PHF20: variants seen among roughly 807,000 people sequenced by gnomAD.
PHF20 encodes PHD finger protein 20.
In PHF20, 23 loss-of-function variants were observed where a neutral mutation model predicts 113.5. The observed-to-expected ratio is 0.20, with a 90% CI of 0.15 to 0.29. The LOEUF (loss-of-function observed/expected upper bound fraction) is 0.29, where lower values mean the gene tolerates loss of function less well. PHF20 is among the 10% of genes least tolerant of loss of function. The probability of loss-of-function intolerance (pLI) is 1.00; values close to 1 mark genes in which losing one functional copy is unlikely to be tolerated. For missense variants in PHF20, 943 were observed against 1,219.6 expected (o/e 0.77, Z 3.38); for synonymous variants, 434 against 457.3 (o/e 0.95, Z 0.65).
At chr20:35,801,090 T>A (rs1189600517) in intron 1 of PHF20, among the ~76,000 whole-genome samples, 1 of 152,230 alleles carries the variant, frequency 6.6e-6, no homozygotes, top group African/African-American at 2.4e-5. Flanking sequence ...CCCGGTAGAC[T>A]GAAGGGTTCT....
intron 13 of PHF20, among the ~76,000 whole-genome samples, chr20:35,920,353 C>G (rs374581278): frequency 6.6e-6 from 1 of 152,158 alleles, no homozygotes; most frequent in Admixed American, 6.5e-5. Context: ...GTACCACAGT[C>G]GTGCTCTTTT....
rs993783500 is a variant in PHF20 at position 35,943,871 on chromosome 20, G to A, written c.2896+2824G>A. Among the ~76,000 whole-genome samples, 95 of 152,174 alleles carry A rather than the reference G, an allele frequency of 6.2e-4. 1 individual carries two copies. The highest frequency in any genetic ancestry group is 2.1e-3 in the African/African-American group (89 of 41,514). On this transcript the variant is annotated intron_variant, in intron 17 of 17. Transcript: ENST00000374012. Reference sequence around the variant, plus strand: ...CCTGACCTCATGATCTGCCTGCCTCGGGCTCCCAAAGTGCTGGGATTACAG... The same window carrying A: ...CCTGACCTCATGATCTGCCTGCCTCAGGCTCCCAAAGTGCTGGGATTACAG...
At chr20:35,779,066 C>T (rs1164906780) in intron 1 of PHF20, among the ~76,000 whole-genome samples, 1 of 150,746 alleles carries the variant, frequency 6.6e-6, no homozygotes, top group Non-Finnish European at 1.5e-5. Flanking sequence ...GGTGGAGTCT[C>T]ACTTCGTTGC....
intron 13 of PHF20, among the ~76,000 whole-genome samples, chr20:35,924,600 A>G (rs1319630419): frequency 6.6e-6 from 1 of 151,230 alleles, no homozygotes; most frequent in African/African-American, 2.4e-5. Flanking sequence ...ACTTTATTTT[A>G]TTTTATTTTT....
intron 4 of PHF20, among the ~76,000 whole-genome samples, 188 bp from the exon 5 acceptor site, chr20:35,858,114 C>G (rs1221486797): frequency 1.3e-5 from 2 of 152,064 alleles, no homozygotes; most frequent in Non-Finnish European, 2.9e-5. Flanking sequence ...GAAAACTAAT[C>G]TTAACTAAGA....
chr20:35,943,058 C>T (rs1048070201), intron 17 of PHF20, among the ~76,000 whole-genome samples: 1 of 152,194 alleles, frequency 6.6e-6, no homozygotes, highest in African/African-American at 2.4e-5. Flanking sequence ...CTCCTGACCT[C>T]ATGATCCGCC....
intron 17 of PHF20, among the ~76,000 whole-genome samples, chr20:35,942,831 C>CT (rs923730603): frequency 1.7e-4 from 25 of 149,110 alleles, no homozygotes; most frequent in South Asian, 4.3e-4. Flanking sequence ...TTCTTTCTTT[C>CT]TTTTTTTTTT....
chr20:35,779,481 A>T (rs761668985), intron 1 of PHF20, among the ~76,000 whole-genome samples: 13 of 151,312 alleles, frequency 8.6e-5, no homozygotes, highest in Non-Finnish European at 1.5e-4. Flanking sequence ...TCTCTTTCTC[A>T]TATGGAAAAA....
At chr20:35,814,883 A>AT (rs1205683843) in intron 2 of PHF20, among the ~76,000 whole-genome samples, 1,957 of 139,882 alleles carry the variant, frequency 0.014, 30 homozygotes, top group East Asian at 0.03. Context: ...AAAAAAAAAA[A>AT]AAAAAAATAA....
At chr20:35,811,947 A>AT (rs991407253) in intron 2 of PHF20, among the ~76,000 whole-genome samples, 3 of 144,992 alleles carry the variant, frequency 2.1e-5, no homozygotes, top group Non-Finnish European at 4.5e-5. Flanking sequence ...ATTTTTTTGT[A>AT]TTTTTTTAAT....
At chr20:35,882,062 C>T (rs2054645677) in intron 9 of PHF20, among the ~76,000 whole-genome samples, 1 of 152,206 alleles carries the variant, frequency 6.6e-6, no homozygotes, top group Non-Finnish European at 1.5e-5. Context: ...TTATTTTAAG[C>T]ACTCATGCAA....
intron 2 of PHF20, among the ~76,000 whole-genome samples, chr20:35,809,465 G>A (rs1687364724): frequency 6.6e-6 from 1 of 151,824 alleles, no homozygotes; most frequent in South Asian, 2.1e-4. Context: ...TGTAGTCCAA[G>A]CTACTTGGGA....
At chr20:35,774,037 C>T (rs2041120609) in intron 1 of PHF20, among the ~76,000 whole-genome samples, 1 of 150,766 alleles carries the variant, frequency 6.6e-6, no homozygotes, top group Admixed American at 6.6e-5. Flanking sequence ...CCTGGGGTGT[C>T]GGTGGGGAAA....
intron 6 of PHF20, among the ~76,000 whole-genome samples, chr20:35,869,219 A>C (rs2054373330): frequency 6.6e-6 from 1 of 152,132 alleles, no homozygotes; most frequent in African/African-American, 2.4e-5. Flanking sequence ...AAGATTCAGG[A>C]GGTCAATTGG....
chr20:35,852,744 G>A (rs190883282), intron 4 of PHF20, among the ~76,000 whole-genome samples: 1 of 151,734 alleles, frequency 6.6e-6, no homozygotes, highest in Admixed American at 6.6e-5. Context: ...GATTACAGGT[G>A]TGTGCCACCA....
chr20:35,828,054 G>A (rs966762982), intron 2 of PHF20, among the ~76,000 whole-genome samples: 1 of 151,728 alleles, frequency 6.6e-6, no homozygotes, highest in African/African-American at 2.4e-5. Flanking sequence ...ACAGAGTTTC[G>A]CTCTTGTTGC....
At chr20:35,791,943 A>G (rs769498997) in intron 1 of PHF20, among the ~76,000 whole-genome samples, 8 of 152,170 alleles carry the variant, frequency 5.3e-5, no homozygotes, top group Non-Finnish European at 7.3e-5. Flanking sequence ...AGTGAAATTG[A>G]GTAATATGCG....
At chr20:35,772,676 G>A (rs982192768) in intron 1 of PHF20, among the ~76,000 whole-genome samples, 2 of 150,866 alleles carry the variant, frequency 1.3e-5, no homozygotes, top group Non-Finnish European at 3.0e-5. Context: ...AATTTAGGGC[G>A]TACCCTCTTC....
chr20:35,944,169 AC>A (rs1206834731), intron 17 of PHF20, among the ~76,000 whole-genome samples: 1 of 152,188 alleles, frequency 6.6e-6, no homozygotes, highest in Non-Finnish European at 1.5e-5. Context: ...ATGGTGCAGC[AC>A]ATGGTATGGA....
Sources: allele counts gnomAD v4.1 joint callset (sites outside exome capture counted in the v4.1 genomes callset), GRCh38; gene constraint gnomAD v4.1.1; transcripts MANE v1.5; gene names NCBI Gene and HGNC (gene_info 2026-07-23, HGNC 2026-07-21).